Variants in LIPC observed in about 807,000 individuals in gnomAD.
LIPC encodes the protein lipase C, hepatic type, also known as hepatic triacylglycerol lipase.
Under a neutral mutation model 50.7 loss-of-function variants are expected in LIPC, and 44 were observed. The observed-to-expected ratio is 0.87, with a 90% CI of 0.68 to 1.11. The LOEUF (loss-of-function observed/expected upper bound fraction) is 1.11. Among genes scored for constraint, LIPC ranks in the 50% most tolerant of loss-of-function variants. The pLI is 0.00. For missense variants in LIPC, 697 were observed against 648.2 expected (o/e 1.08, Z -0.82); for synonymous variants, 271 against 256.4 (o/e 1.06, Z -0.54).
intron 1 of LIPC, among the ~76,000 whole-genome samples, chr15:58,486,219 C>T (rs1369060678): frequency 6.6e-6 from 1 of 152,182 alleles, no homozygotes; most frequent in Non-Finnish European, 1.5e-5. Context: ...CCTGGAGAGT[C>T]CCACTCCTTG....
At chr15:58,491,288 G>A (rs1489368260) in intron 1 of LIPC, among the ~76,000 whole-genome samples, 1 of 152,168 alleles carries the variant, frequency 6.6e-6, no homozygotes, top group Non-Finnish European at 1.5e-5. Flanking sequence ...AGAGTGGTCA[G>A]AGCATGGGAA....
chr15:58,514,901 A>G (rs1271604721), intron 1 of LIPC, among the ~76,000 whole-genome samples: 1 of 152,242 alleles, frequency 6.6e-6, no homozygotes, highest in Non-Finnish European at 1.5e-5. Context: ...AAATTTAATT[A>G]GTTAAATTGA....
intron 1 of LIPC, among the ~76,000 whole-genome samples, chr15:58,433,108 C>CAGATT (rs1346412510): frequency 3.3e-5 from 5 of 152,154 alleles, no homozygotes; most frequent in African/African-American, 1.2e-4. Flanking sequence ...GTGCCAAGCA[C>CAGATT]TATACTAATT....
chr15:58,537,144 C>A (rs1398731751), intron 1 of LIPC, among the ~76,000 whole-genome samples: 1 of 152,216 alleles, frequency 6.6e-6, no homozygotes, highest in African/African-American at 2.4e-5. Flanking sequence ...TTGGCCTGAT[C>A]CCTAATCTTG....
intron 1 of LIPC, among the ~76,000 whole-genome samples, chr15:58,443,129 T>TCCAA (rs1278420926): frequency 6.6e-6 from 1 of 152,132 alleles, no homozygotes; most frequent in Non-Finnish European, 1.5e-5. Flanking sequence ...GCCAGGCTGG[T>TCCAA]CTTGAACTCC....
chr15:58,531,644 A>AAAC (rs1555404494), intron 1 of LIPC, among the ~76,000 whole-genome samples: 1 of 149,356 alleles, frequency 6.7e-6, no homozygotes, highest in Non-Finnish European at 1.5e-5. Flanking sequence ...AAAAAAAAAA[A>AAAC]CCCCAGAATA....
At chr15:58,464,272 C>A (rs1278441809) in intron 1 of LIPC, among the ~76,000 whole-genome samples, 1 of 152,092 alleles carries the variant, frequency 6.6e-6, no homozygotes, top group Non-Finnish European at 1.5e-5. Context: ...GAGCAGTACT[C>A]ATAACGCAGG....
At chr15:58,452,378 T>C (rs1893934068) in intron 1 of LIPC, among the ~76,000 whole-genome samples, 1 of 152,216 alleles carries the variant, frequency 6.6e-6, no homozygotes, top group Non-Finnish European at 1.5e-5. Context: ...AGGGACCACC[T>C]ACTATAAAAA....
chr15:58,527,612 G>A (rs1281096448), intron 1 of LIPC, among the ~76,000 whole-genome samples: 2 of 152,016 alleles, frequency 1.3e-5, no homozygotes, highest in African/African-American at 2.4e-5. Flanking sequence ...CCTATTCTTC[G>A]GCCAACACAA....
At chr15:58,454,760 G>T (rs1320971914) in intron 1 of LIPC, 2 of 152,206 alleles carry the variant, frequency 1.3e-5, no homozygotes, top group Admixed American at 1.3e-4. Flanking sequence ...CCAGGGCCTG[G>T]GGTTTGGTGA....
intron 8 of LIPC, chr15:58,566,200 C>G (rs1346115083): frequency 1.0e-6 from 1 of 985,304 alleles, no homozygotes; most frequent in African/African-American, 1.7e-5. Flanking sequence ...CATTACACAA[C>G]CCGGGAAGTG....
chr15:58,565,035 C>T, intron 8 of LIPC: 2 of 646,922 alleles, frequency 3.1e-6, no homozygotes, highest in South Asian at 3.7e-5. Context: ...TCTTCCGTCA[C>T]CCCCTGGGTT....
chr15:58,537,055 G>A (rs1038940924), intron 1 of LIPC, among the ~76,000 whole-genome samples: 1 of 152,196 alleles, frequency 6.6e-6, no homozygotes, highest in East Asian at 1.9e-4. Context: ...AGGTCAGAGC[G>A]GCCTTGTGTC....
At chr15:58,457,740 G>A (rs1894186200) in intron 1 of LIPC, among the ~76,000 whole-genome samples, 1 of 152,224 alleles carries the variant, frequency 6.6e-6, no homozygotes, top group Non-Finnish European at 1.5e-5. Context: ...AAGTAGCACT[G>A]GCTTGGTCAT....
chr15:58,475,388 A>C (rs1389846820), intron 1 of LIPC, among the ~76,000 whole-genome samples: 3 of 152,238 alleles, frequency 2.0e-5, no homozygotes, highest in African/African-American at 4.8e-5. Context: ...CCGGCCACCC[A>C]GGCCCTTCAC....
intron 1 of LIPC, among the ~76,000 whole-genome samples, chr15:58,501,872 T>C (rs568884530): frequency 1.3e-5 from 2 of 152,298 alleles, no homozygotes; most frequent in South Asian, 4.1e-4. Flanking sequence ...TCAGGAATGT[T>C]CTGCACCCTG....
rs62002609 is a variant in LIPC, at chr15:58,544,226, G to A, written c.575-1516G>A. On this transcript the variant is annotated intron_variant, in intron 4 of 8. Coordinates refer to ENST00000299022, the MANE Select transcript of LIPC (RefSeq NM_000236.3). The stretch of plus-strand genomic sequence containing the variant: ...CCAGCGAGGCAGCCTCAGGCCCAAG[G>A]CCCAGAACCCTCTCCATCCAACTGG... Among the ~76,000 whole-genome samples, 556 of 152,172 alleles carry A rather than the reference G, an allele frequency of 3.7e-3. 1 individual carries two copies. Among genetic ancestry groups the A allele is most frequent in the Non-Finnish European group, 6.4e-3 (435 of 68,012 alleles).
At chr15:58,504,192 C>A (rs576653719) in intron 1 of LIPC, among the ~76,000 whole-genome samples, 2 of 152,156 alleles carry the variant, frequency 1.3e-5, no homozygotes, top group Admixed American at 6.5e-5. Flanking sequence ...ATTCTAGGCC[C>A]ACCAGCATAA....
chr15:58,441,303 C>T (rs528629560), intron 1 of LIPC, among the ~76,000 whole-genome samples: 31 of 152,336 alleles, frequency 2.0e-4, no homozygotes, highest in African/African-American at 7.5e-4. Flanking sequence ...GAAGCAGGAG[C>T]ACATAACAGG....
Sources: allele counts gnomAD v4.1 joint callset (sites outside exome capture counted in the v4.1 genomes callset), GRCh38; gene constraint gnomAD v4.1.1; transcripts MANE v1.5; gene names NCBI Gene and HGNC (gene_info 2026-07-23, HGNC 2026-07-21).